The following SMARCA4 variants were observed in gnomAD, a reference collection of about 807,000 sequenced individuals.
The protein encoded by SMARCA4 is SWI/SNF-related matrix-associated actin-dependent regulator of chromatin subfamily A member 4.
Under a neutral mutation model 193.9 loss-of-function variants are expected in SMARCA4, and 31 were observed. The observed-to-expected ratio is 0.16, with a 90% confidence interval of 0.12 to 0.22. SMARCA4 has a LOEUF of 0.22. Among genes scored for constraint, SMARCA4 ranks in the 10% least tolerant of loss-of-function variants. The pLI, the probability that SMARCA4 is intolerant of heterozygous loss-of-function variation, is 1.00. For synonymous variants in SMARCA4, 942 were observed against 933.1 expected, an observed-to-expected ratio of 1.01 and a Z score of -0.17; for missense variants, 1,148 against 2,296.0, an observed-to-expected ratio of 0.50 and a Z score of 10.22.
intron 14 of SMARCA4, chr19:11,008,364 T>C (rs1190228715): frequency 5.5e-6 from 2 of 361,512 alleles, no homozygotes; most frequent in Non-Finnish European, 1.1e-5. Context: ...CCAGAGATGC[T>C]GTCTGCATTA....
intron 13 of SMARCA4, among the ~76,000 whole-genome samples, 175 bp from the exon 14 acceptor site, chr19:11,007,727 A>G (rs565445593): frequency 6.6e-6 from 1 of 152,136 alleles, no homozygotes; most frequent in Admixed American, 6.5e-5. Context: ...AAATAATAAT[A>G]AATACATAAT....
rs542561384 is a variant in SMARCA4, at chr19:11,033,649, C to T, written c.3775-118C>T. The T allele has an allele frequency of 2.5e-6, 2 of 790,950 alleles. No individual in the cohort carries two copies. The highest frequency in any genetic ancestry group is 3.4e-5 in the African/African-American group (2 of 59,118). 49.0% of individuals were successfully genotyped at this position (790,950 alleles called of 1,614,324 possible). A position where few individuals can be genotyped will look rare whatever the true frequency, so the allele number is the denominator to read the frequency against. Reference sequence around the variant, plus strand: ...CCCTTTGGAGTAAAGGGAGTGTGGGCTGAACGGAAAGAGGATGAGTACTTG... The same window carrying T: ...CCCTTTGGAGTAAAGGGAGTGTGGGTTGAACGGAAAGAGGATGAGTACTTG... On this transcript the variant is annotated intron_variant, in intron 26 of 34. Transcript: ENST00000344626. This position sits in a 1 kb window ranked among gnomAD's most constrained non-coding sequence, Gnocchi z 9.8.
At chr19:11,018,054 C>T (rs762556189) in intron 16 of SMARCA4, among the ~76,000 whole-genome samples, 3 of 152,236 alleles carry the variant, frequency 2.0e-5, no homozygotes, top group Non-Finnish European at 2.9e-5. Context: ...TTGGCTGTGC[C>T]GCCTGGTTGG....
rs369362739 is a variant in SMARCA4 at position 10,996,514 on chromosome 19, A to G, written c.1782A>G (p.Gly594=). 3.0e-5 allele frequency: 48 copies of G among 1,614,122 alleles called. No individual in the cohort carries two copies. Among genetic ancestry groups the G allele is most frequent in the Non-Finnish European group, 3.9e-5 (46 of 1,180,038 alleles). Reference sequence around the variant, plus strand: ...TCCAGAAGGCAGAAAATGCAGAAGGACAGACGCCTGCCATTGGGCCGGATG... The same window carrying G: ...TCCAGAAGGCAGAAAATGCAGAAGGGCAGACGCCTGCCATTGGGCCGGATG... ...KKKKKAENAE[G]QTPAIGPDGE... is the part of the protein sequence containing the mutation. The change falls in exon 11 of 35, where the codon GGA becomes GGG. Residue 594 remains glycine, a synonymous_variant. Transcript: ENST00000344626.
rs1344740787 is a variant in SMARCA4 at position 11,033,061 on chromosome 19, A to G, written c.3547-229A>G. ...AATATCTGTGGGGTCCCAATAAGGTAGAAGGTGGCACTTCTGGAGGAACGT... is the reference window on the plus strand; with the variant it reads ...AATATCTGTGGGGTCCCAATAAGGTGGAAGGTGGCACTTCTGGAGGAACGT... On this transcript the variant is annotated intron_variant, in intron 25 of 34. Coordinates refer to ENST00000344626, the MANE Select transcript of SMARCA4 (RefSeq NM_003072.5). This position sits in a 1 kb window ranked among gnomAD's most constrained non-coding sequence, Gnocchi z 9.8. 1.6e-6 allele frequency: 1 copy of G among 621,910 alleles called. No homozygotes were observed. The highest frequency in any genetic ancestry group is 2.9e-6 in the Non-Finnish European group (1 of 342,308). 38.5% of individuals were successfully genotyped at this position (621,910 alleles called of 1,614,324 possible). A position where few individuals can be genotyped will look rare whatever the true frequency, so the allele number is the denominator to read the frequency against.
At chr19:10,971,955 ATTTTTTT>A (rs539620346) in intron 1 of SMARCA4, among the ~76,000 whole-genome samples, 1 of 125,176 alleles carries the variant, frequency 8.0e-6, no homozygotes, top group African/African-American at 3.0e-5. Flanking sequence ...CGCTTGGCTA[ATTTTTTT>A]TTTTTTTTTT....
At chr19:10,961,254 G>C (rs1277884090) in intron 1 of SMARCA4, 80 bp downstream of exon 1, 1 of 149,452 alleles carries the variant, frequency 6.7e-6, no homozygotes, top group African/African-American at 2.4e-5. Context: ...GCCGAGGGGG[G>C]AGGGGGCTGC....
chr19:11,012,607 C>A, intron 15 of SMARCA4: 3 of 376,130 alleles, frequency 8.0e-6, no homozygotes, highest in South Asian at 6.9e-5. Flanking sequence ...GTGCAAGTGT[C>A]CCGTGGTGTG....
Position 11,031,901 on chromosome 19 carries a change from C to G in SMARCA4, c.3546+1008C>G, listed in dbSNP as rs750996939. ...CTGCCAAAGTGGTTTCACTCCTACGCTGGGGTGTGAATGTACCCTGCCCTT... is the reference window on the plus strand; with the variant it reads ...CTGCCAAAGTGGTTTCACTCCTACGGTGGGGTGTGAATGTACCCTGCCCTT... On this transcript the variant is annotated intron_variant, in intron 25 of 34. Coordinates refer to ENST00000344626, the MANE Select transcript of SMARCA4 (RefSeq NM_003072.5). The surrounding 1 kb of genome is among the most constrained non-coding windows in gnomAD (Gnocchi z 4.3). The G allele has an allele frequency of 6.6e-6, 1 of 152,302 alleles. No individual in the cohort carries two copies. Among genetic ancestry groups the G allele is most frequent in the African/African-American group, 2.4e-5 (1 of 41,442 alleles). The allele number at this position is 152,302 out of a possible 1,614,324, so 9.4% of individuals were successfully genotyped here.
At chr19:11,026,221 C>G in intron 22 of SMARCA4, 79 bp from the exon 23 acceptor site, 1 of 1,129,582 alleles carries the variant, frequency 8.9e-7, no homozygotes, top group Non-Finnish European at 1.4e-6. Context: ...CCTCTGAGCA[C>G]GAGCGGTGTG....
At chr19:11,004,811 G>GTT (rs146541347) in intron 13 of SMARCA4, among the ~76,000 whole-genome samples, 1 of 149,204 alleles carries the variant, frequency 6.7e-6, no homozygotes, top group African/African-American at 2.5e-5. Flanking sequence ...TGTGTTCAAT[G>GTT]TTTTTTTTCC....
intron 6 of SMARCA4, among the ~76,000 whole-genome samples, chr19:10,988,793 A>G (rs2086292680): frequency 1.3e-5 from 2 of 152,152 alleles, no homozygotes; most frequent in South Asian, 2.1e-4. Context: ...GTTTAGTGCT[A>G]AGGCCCTGCA....
rs1829502513 is a variant in SMARCA4, at chr19:11,019,988, A to G, written c.2616+287A>G. Among the ~76,000 whole-genome samples, 1 of 152,200 alleles carries G rather than the reference A, an allele frequency of 6.6e-6. No individual in the cohort carries two copies. The highest frequency in any genetic ancestry group is 2.4e-5 in the African/African-American group (1 of 41,462). On this transcript the variant is annotated intron_variant, in intron 18 of 34. Coordinates refer to ENST00000344626, the MANE Select transcript of SMARCA4 (RefSeq NM_003072.5). The surrounding 1 kb of genome is among the most constrained non-coding windows in gnomAD (Gnocchi z 6.1). ...TTCTGCCCAGAGAGCCTCAGCACCA[A>G]GGCGTCTCCTGACCCGCCTACAGAG...
In SMARCA4 at chr19:11,021,919, C is replaced by T. The variant is rs1376802259; in HGVS notation, c.2811C>T (p.Ser937=). Residue 937 remains serine, a synonymous_variant, in exon 19 of 35, where the codon AGC becomes AGT. Coordinates refer to ENST00000344626, the MANE Select transcript of SMARCA4 (RefSeq NM_003072.5). ...FLLPTIFKSC[S]TFEQWFNAPF... ...TGCCCACCATCTTCAAGAGCTGCAG[C>T]ACCTTCGAGCAGTGGTTTAACGCAC... 2.5e-6 allele frequency: 4 copies of T among 1,613,566 alleles called. No homozygotes were observed. The highest frequency in any genetic ancestry group is 1.1e-5 in the South Asian group (1 of 91,070).
intron 34 of SMARCA4, among the ~76,000 whole-genome samples, chr19:11,061,204 A>AAAAAAAAAATATATATAT (rs1555797070): frequency 1.3e-4 from 6 of 45,212 alleles, no homozygotes; most frequent in African/African-American, 6.8e-4. Flanking sequence ...AAAAAAAAAA[A>AAAAAAAAAATATATATAT]ATATATATAT....
chr19:10,991,365 G>A, intron 8 of SMARCA4, 42 bp downstream of exon 8: 1 of 1,556,722 alleles, frequency 6.4e-7, no homozygotes, highest in Non-Finnish European at 8.7e-7. Context: ...CCGCCCACCT[G>A]GCTGCCTGGC....
intron 1 of SMARCA4, among the ~76,000 whole-genome samples, chr19:10,971,821 C>T (rs1258340811): frequency 2.9e-5 from 4 of 138,400 alleles, no homozygotes; most frequent in Non-Finnish European, 6.1e-5. Flanking sequence ...TTGTTCTTGT[C>T]GCCCAGGCTG....
At chr19:10,973,957 T>C (rs1323309791) in intron 1 of SMARCA4, among the ~76,000 whole-genome samples, 2 of 152,150 alleles carry the variant, frequency 1.3e-5, no homozygotes, top group African/African-American at 4.8e-5. Flanking sequence ...GAAGCCATCC[T>C]GCCCATTGCT....
Position 10,987,735 on chromosome 19 carries a change from G to A in SMARCA4, c.929G>A (p.Arg310His), listed in dbSNP as rs766422429. The A allele has an allele frequency of 3.7e-5, 59 of 1,605,614 alleles. No individual in the cohort carries two copies. The highest frequency in any genetic ancestry group is 4.5e-5 in the Non-Finnish European group (53 of 1,175,748). ...QKLIPPQPTG[R>H]PSPAPPAVPP... ...CTGATTCCCCCGCAGCCAACGGGCC[G>A]CCCTTCCCCCGCGCCCCCTGCCGTC... The change falls in exon 6 of 35, where the codon CGC (arginine) becomes CAC (histidine). Residue 310 changes from arginine to histidine, a missense_variant. By Grantham distance (29) the Arg-to-His change is conservative. Coordinates refer to ENST00000344626, the MANE Select transcript of SMARCA4 (RefSeq NM_003072.5). The surrounding 1 kb of genome is among the most constrained non-coding windows in gnomAD (Gnocchi z 5.3).
Sources: allele counts gnomAD v4.1 joint callset (sites outside exome capture counted in the v4.1 genomes callset), GRCh38; gene constraint gnomAD v4.1.1; non-coding constraint Gnocchi (gnomAD v3.1); transcripts MANE v1.5; gene names NCBI Gene and HGNC (gene_info 2026-07-23, HGNC 2026-07-21).